Variants in PDE4D observed in about 807,000 individuals in gnomAD.
PDE4D encodes 3',5'-cyclic-AMP phosphodiesterase 4D.
A neutral mutation model predicts 87.4 loss-of-function variants in PDE4D; 24 were observed. That is an observed-to-expected ratio of 0.27 (90% CI 0.20 to 0.39). The LOEUF is 0.39. Among genes scored for constraint, PDE4D ranks in the 10% least tolerant of loss-of-function variants. The probability of loss-of-function intolerance (pLI) is 1.00; values close to 1 mark genes in which losing one functional copy is unlikely to be tolerated. For missense variants in PDE4D, 714 were observed against 1,041.0 expected (o/e 0.69, Z 4.32); for synonymous variants, 384 against 383.2 (o/e 1.00, Z -0.02).
chr5:59,890,706 A>G (rs1007228154), intron 1 of PDE4D, among the ~76,000 whole-genome samples: 2 of 152,224 alleles, frequency 1.3e-5, no homozygotes, highest in Non-Finnish European at 2.9e-5. Flanking sequence ...CTTGGGTTTC[A>G]GTCTTAGCTC....
intron 1 of PDE4D, among the ~76,000 whole-genome samples, chr5:60,383,182 T>C (rs1016332177): frequency 1.3e-5 from 2 of 151,930 alleles, no homozygotes; most frequent in Admixed American, 6.6e-5. Flanking sequence ...CATTAGCAAA[T>C]GAAATGAATG....
intron 1 of PDE4D, among the ~76,000 whole-genome samples, chr5:59,247,474 G>A (rs1759085118): frequency 6.6e-6 from 1 of 152,116 alleles, no homozygotes; most frequent in African/African-American, 2.4e-5. Context: ...GGCACTTTAG[G>A]AGAGGTGAAT....
At chr5:59,155,557 C>T (rs1026955621) in intron 5 of PDE4D, among the ~76,000 whole-genome samples, 4 of 152,106 alleles carry the variant, frequency 2.6e-5, no homozygotes, top group African/African-American at 9.7e-5. Flanking sequence ...AAGAGAAGAT[C>T]AAGAACTAGC....
chr5:59,531,255 C>T (rs1274721999), intron 1 of PDE4D, among the ~76,000 whole-genome samples: 1 of 152,166 alleles, frequency 6.6e-6, no homozygotes, highest in Admixed American at 6.5e-5. Flanking sequence ...CTGTTTCCTT[C>T]ATCTGAAATG....
intron 2 of PDE4D, among the ~76,000 whole-genome samples, chr5:59,201,538 G>C (rs1747393725): frequency 6.6e-6 from 1 of 152,072 alleles, no homozygotes; most frequent in Admixed American, 6.6e-5. Flanking sequence ...TAAACTCTAA[G>C]TAATCTATAT....
rs141695947 is a variant in PDE4D, at chr5:60,247,733, A to T, written c.-89-62046T>A. Reference sequence around the variant, plus strand: ...CCTCTCTCTCCTCTCCCTCTCTCTCACACACACACACAAGACAGAGACAGA... The same window carrying T: ...CCTCTCTCTCCTCTCCCTCTCTCTCTCACACACACACAAGACAGAGACAGA... On this transcript the variant is annotated intron_variant, in intron 1 of 16. Transcript: ENST00000502484. Among the ~76,000 whole-genome samples, 935 of 151,410 alleles carry T rather than the reference A, an allele frequency of 6.2e-3. 9 individuals carry two copies. The highest frequency in any genetic ancestry group is 9.2e-3 in the Non-Finnish European group (621 of 67,732).
chr5:59,668,804 AAAGAAGAAGAAG>A (rs569736039), intron 1 of PDE4D, among the ~76,000 whole-genome samples: 4 of 108,210 alleles, frequency 3.7e-5, no homozygotes, highest in Non-Finnish European at 5.6e-5. Flanking sequence ...GAAGAAGAAG[AAAGAAGAAGAAG>A]AAGAAGAAGA....
chr5:60,519,803 C>A (rs899510632), intron 1 of PDE4D, among the ~76,000 whole-genome samples: 2 of 152,092 alleles, frequency 1.3e-5, no homozygotes, highest in African/African-American at 2.4e-5. Context: ...ATAGTTTCCT[C>A]CAACTTTTAA....
intron 1 of PDE4D, among the ~76,000 whole-genome samples, chr5:59,385,696 G>C (rs1185957020): frequency 6.6e-6 from 1 of 152,122 alleles, no homozygotes; most frequent in Admixed American, 6.6e-5. Context: ...TAAACGGGAA[G>C]GAGATAGTAT....
At chr5:59,464,008 G>A (rs1290947268) in intron 1 of PDE4D, among the ~76,000 whole-genome samples, 1 of 152,220 alleles carries the variant, frequency 6.6e-6, no homozygotes, top group Non-Finnish European at 1.5e-5. Context: ...TTAAACAGAT[G>A]CTTGAAGGCA....
intron 1 of PDE4D, among the ~76,000 whole-genome samples, chr5:60,393,589 G>C (rs1464847953): frequency 1.3e-5 from 2 of 152,114 alleles, no homozygotes; most frequent in Non-Finnish European, 2.9e-5. Flanking sequence ...AATTTAAAAG[G>C]AGGACTTGGC....
chr5:59,982,126 G>A (rs1420903229), intron 3 of PDE4D, among the ~76,000 whole-genome samples: 2 of 152,168 alleles, frequency 1.3e-5, no homozygotes, highest in Admixed American at 6.5e-5. Flanking sequence ...ATCCCCAAAA[G>A]TGACCATGTC....
At chr5:59,689,455 A>G (rs1263927712) in intron 1 of PDE4D, among the ~76,000 whole-genome samples, 1 of 152,166 alleles carries the variant, frequency 6.6e-6, no homozygotes, top group Non-Finnish European at 1.5e-5. Flanking sequence ...TATAAACAGA[A>G]CCAAAGACAA....
chr5:59,084,195 C>T (rs1358399856), intron 5 of PDE4D, among the ~76,000 whole-genome samples: 3 of 151,882 alleles, frequency 2.0e-5, no homozygotes, highest in East Asian at 3.9e-4. Flanking sequence ...TAACCATAAA[C>T]AGTAGAAGTG....
At chr5:59,071,645 C>T (rs1399594349) in intron 5 of PDE4D, among the ~76,000 whole-genome samples, 5 of 145,314 alleles carry the variant, frequency 3.4e-5, no homozygotes, top group African/African-American at 1.3e-4. Flanking sequence ...TCTGATGATA[C>T]CTTCTTCCTG....
chr5:59,950,999 T>C (rs1344763540), intron 3 of PDE4D, among the ~76,000 whole-genome samples: 3 of 152,126 alleles, frequency 2.0e-5, no homozygotes, highest in Admixed American at 2.0e-4. Flanking sequence ...ATTAGCAATA[T>C]TTGAGTCCAT....
chr5:59,118,327 G>A (rs1316840260), intron 5 of PDE4D, among the ~76,000 whole-genome samples: 1 of 152,124 alleles, frequency 6.6e-6, no homozygotes, highest in African/African-American at 2.4e-5. Flanking sequence ...TCAACACGTT[G>A]TATTTTAATT....
intron 2 of PDE4D, among the ~76,000 whole-genome samples, chr5:59,209,449 T>G (rs142552970): frequency 1.3e-5 from 2 of 152,224 alleles, no homozygotes; most frequent in Admixed American, 1.3e-4. Flanking sequence ...GCCTCCCAAA[T>G]TGCCAGGATT....
intron 6 of PDE4D, among the ~76,000 whole-genome samples, chr5:59,024,190 C>G (rs1230527938): frequency 7.2e-6 from 1 of 138,274 alleles, no homozygotes; most frequent in Non-Finnish European, 1.5e-5. Context: ...CCATGCCCAG[C>G]TGAATTCTAC....
Sources: allele counts gnomAD v4.1 joint callset (sites outside exome capture counted in the v4.1 genomes callset), GRCh38; gene constraint gnomAD v4.1.1; transcripts MANE v1.5; gene names NCBI Gene and HGNC (gene_info 2026-07-23, HGNC 2026-07-21).